The following FAF1 variants were observed in gnomAD, a reference collection of about 807,000 sequenced individuals.
The protein encoded by FAF1 is FAS-associated factor 1.
In FAF1, 25 loss-of-function variants were observed where a neutral mutation model predicts 92.5. That is an observed-to-expected ratio of 0.27 (90% CI 0.20 to 0.38). The LOEUF (loss-of-function observed/expected upper bound fraction) is 0.38, where lower values mean the gene tolerates loss of function less well. Ranked by LOEUF, FAF1 falls within the 10% of genes least tolerant of loss-of-function variation. The probability of loss-of-function intolerance (pLI) is 1.00; values close to 1 mark genes in which losing one functional copy is unlikely to be tolerated. For synonymous variants in FAF1, 234 were observed against 273.2 expected, an observed-to-expected ratio of 0.86 and a Z score of 1.42; for missense variants, 636 against 793.3, an observed-to-expected ratio of 0.80 and a Z score of 2.38.
At chr1:50,852,647 T>A (rs1019862370) in intron 2 of FAF1, among the ~76,000 whole-genome samples, 5 of 152,202 alleles carry the variant, frequency 3.3e-5, no homozygotes, top group African/African-American at 1.2e-4. Flanking sequence ...CAATTCCTCA[T>A]GAACTGACAG....
At chr1:50,951,315 C>G (rs1338561677) in intron 1 of FAF1, among the ~76,000 whole-genome samples, 1 of 152,156 alleles carries the variant, frequency 6.6e-6, no homozygotes, top group Non-Finnish European at 1.5e-5. Context: ...TCTCAATTTC[C>G]ACAAAGGGAA....
chr1:50,941,520 G>A (rs933652902), intron 1 of FAF1, among the ~76,000 whole-genome samples: 4 of 152,052 alleles, frequency 2.6e-5, no homozygotes, highest in African/African-American at 9.7e-5. Flanking sequence ...CCAGTCCTCA[G>A]CTAATTTTTC....
chr1:50,528,379 T>C (rs1647955552), intron 15 of FAF1, among the ~76,000 whole-genome samples: 2 of 152,340 alleles, frequency 1.3e-5, no homozygotes. Flanking sequence ...TTCTATTGAT[T>C]TAACAGAGAG....
chr1:50,917,142 T>C (rs1016885809), intron 1 of FAF1, among the ~76,000 whole-genome samples: 3 of 152,200 alleles, frequency 2.0e-5, no homozygotes, highest in African/African-American at 7.2e-5. Flanking sequence ...TTTTAAAAAG[T>C]ATTCTCATCA....
intron 8 of FAF1, among the ~76,000 whole-genome samples, chr1:50,650,774 C>T (rs1396132133): frequency 1.3e-5 from 2 of 152,134 alleles, no homozygotes; most frequent in South Asian, 4.1e-4. Context: ...AAAATTATTT[C>T]TCCTATCTAG....
rs540985638 is a variant in FAF1 at position 50,493,166 on chromosome 1, G to A, written c.1495-1365C>T. On this transcript the variant is annotated intron_variant, in intron 15 of 18. Coordinates refer to ENST00000396153, the MANE Select transcript of FAF1 (RefSeq NM_007051.3). ...TCCTGCCTCAGCCTCCCGAGTAGCT[G>A]GGATTACACGCACCCGACATCACGC... Among the ~76,000 whole-genome samples the A allele has an allele frequency of 9.9e-5, 15 of 151,852 alleles. No homozygotes were observed. The East Asian group carries it at 2.7e-3, about 28-fold the overall frequency.
At chr1:50,525,607 T>G (rs537797426) in intron 15 of FAF1, among the ~76,000 whole-genome samples, 12 of 152,328 alleles carry the variant, frequency 7.9e-5, no homozygotes, top group Admixed American at 2.0e-4. Context: ...AGCAGGGAAG[T>G]TGGAATCCTT....
At chr1:50,816,330 G>A (rs1408779810) in intron 2 of FAF1, among the ~76,000 whole-genome samples, 2 of 149,986 alleles carry the variant, frequency 1.3e-5, no homozygotes, top group Non-Finnish European at 3.0e-5. Context: ...TCAGCCTCCC[G>A]AGTAGCTGGG....
At chr1:50,509,139 G>A (rs935709169) in intron 15 of FAF1, among the ~76,000 whole-genome samples, 11 of 151,404 alleles carry the variant, frequency 7.3e-5, no homozygotes, top group Admixed American at 6.6e-4. Context: ...ACAAAATGTG[G>A]TATTATCCAT....
chr1:50,921,773 C>A (rs950382420), intron 1 of FAF1, among the ~76,000 whole-genome samples: 1 of 151,694 alleles, frequency 6.6e-6, no homozygotes, highest in East Asian at 1.9e-4. Context: ...AGAGCAAAGA[C>A]CTTGTTTCAA....
Position 50,738,968 on chromosome 1 carries a change from A to AAC in FAF1, c.460-16_460-15dup. The AAC allele has an allele frequency of 6.8e-7, 1 of 1,472,458 alleles. No homozygotes were observed. The highest frequency in any genetic ancestry group is 1.4e-5 in the African/African-American group (1 of 71,506). The allele number at this position is 1,472,458 out of a possible 1,614,324, so 91.2% of individuals were successfully genotyped here. A position where few individuals can be genotyped will look rare whatever the true frequency, so the allele number is the denominator to read the frequency against. On this transcript the variant is annotated splice_polypyrimidine_tract_variant and intron_variant, in intron 5 of 18. Transcript: ENST00000396153. The stretch of plus-strand genomic sequence containing the variant: ...TTTTAGGACCGTCTGAAAAAGAAAA[A>AAC]ACACAGCAAAAAATGAATGTTGATG...
chr1:50,684,998 G>A (rs1202797150), intron 7 of FAF1, among the ~76,000 whole-genome samples: 1 of 152,126 alleles, frequency 6.6e-6, no homozygotes, highest in African/African-American at 2.4e-5. Flanking sequence ...GCTAACTCAG[G>A]AGATAAGGAG....
At chr1:50,730,736 C>T (rs1052402958) in intron 6 of FAF1, among the ~76,000 whole-genome samples, 3 of 152,212 alleles carry the variant, frequency 2.0e-5, no homozygotes, top group Admixed American at 6.5e-5. Context: ...AGAGGCATCC[C>T]TCCTGCCTAA....
intron 15 of FAF1, among the ~76,000 whole-genome samples, chr1:50,520,172 C>T (rs1415485466): frequency 1.3e-5 from 2 of 152,126 alleles, no homozygotes; most frequent in African/African-American, 2.4e-5. Flanking sequence ...TACTTATTGC[C>T]ATTGCTGTTT....
rs1305980299 is a variant in FAF1 at position 50,583,353 on chromosome 1, A to G, written c.1031+299T>C. On this transcript the variant is annotated intron_variant, in intron 11 of 18. Coordinates refer to ENST00000396153, the MANE Select transcript of FAF1 (RefSeq NM_007051.3). This position sits in a 1 kb window ranked among gnomAD's most constrained non-coding sequence, Gnocchi z 4.2. ...ATTTTCCATTTGACTGTCCTAAGAT[A>G]TACTAAAAATTACTATCCTATATCC... Among the ~76,000 whole-genome samples the G allele has an allele frequency of 6.6e-6, 1 of 151,962 alleles. No homozygotes were observed. The highest frequency in any genetic ancestry group is 1.5e-5 in the Non-Finnish European group (1 of 67,888).
chr1:50,867,240 T>C (rs1644488932), intron 1 of FAF1, among the ~76,000 whole-genome samples: 1 of 151,982 alleles, frequency 6.6e-6, no homozygotes, highest in African/African-American at 2.4e-5. Flanking sequence ...CTCAAGAAGA[T>C]AACATTGGAA....
chr1:50,694,126 T>C (rs1393418713), intron 7 of FAF1, among the ~76,000 whole-genome samples: 1 of 141,876 alleles, frequency 7.0e-6, no homozygotes, highest in East Asian at 1.9e-4. Flanking sequence ...CCTTTAAAAA[T>C]ACCTTATTAA....
chr1:50,888,558 C>T (rs1644689772), intron 1 of FAF1, among the ~76,000 whole-genome samples: 1 of 152,094 alleles, frequency 6.6e-6, no homozygotes, highest in Admixed American at 6.6e-5. Context: ...CCATTAATAC[C>T]TAATTTATTG....
At chr1:50,522,734 T>G (rs919051685) in intron 15 of FAF1, among the ~76,000 whole-genome samples, 1 of 152,200 alleles carries the variant, frequency 6.6e-6, no homozygotes. Flanking sequence ...TTGAAAACTA[T>G]ATTATTTGTG....
Sources: allele counts gnomAD v4.1 joint callset (sites outside exome capture counted in the v4.1 genomes callset), GRCh38; gene constraint gnomAD v4.1.1; non-coding constraint Gnocchi (gnomAD v3.1); transcripts MANE v1.5; gene names NCBI Gene and HGNC (gene_info 2026-07-23, HGNC 2026-07-21).